Variants in UQCRB observed in about 807,000 individuals in gnomAD.
The protein encoded by UQCRB is cytochrome b-c1 complex subunit 7.
In UQCRB, 12 loss-of-function variants were observed where a neutral mutation model predicts 19.8. The observed-to-expected ratio is 0.61, with a 90% CI of 0.39 to 0.98. The LOEUF (loss-of-function observed/expected upper bound fraction) is 0.98. Ranked by LOEUF, UQCRB falls within the 50% of genes least tolerant of loss-of-function variation. The probability of loss-of-function intolerance (pLI) is 0.00; values close to 1 mark genes in which losing one functional copy is unlikely to be tolerated. For missense variants in UQCRB, 142 were observed against 131.8 expected, an observed-to-expected ratio of 1.08 and a Z score of -0.38; for synonymous variants, 39 against 42.9, an observed-to-expected ratio of 0.91 and a Z score of 0.35.
In UQCRB at chr8:96,229,783, G is replaced by T. The variant is rs1361275494; in HGVS notation, c.*1272C>A. On this transcript the variant is annotated 3_prime_UTR_variant, in exon 4 of 4. Transcript: ENST00000287022. ...AGCGAAAGGAAAAAAAAAAGCGGGGGAGGGGGTTCCTAGAGAATTTAAGAG... is the reference window on the plus strand; with the variant it reads ...AGCGAAAGGAAAAAAAAAAGCGGGGTAGGGGGTTCCTAGAGAATTTAAGAG... 2.2e-6 allele frequency: 1 copy of T among 453,748 alleles called. No homozygotes were observed. The highest frequency in any genetic ancestry group is 2.4e-5 in the Admixed American group (1 of 42,534). 28.1% of individuals were successfully genotyped at this position (453,748 alleles called of 1,614,324 possible). A position where few individuals can be genotyped will look rare whatever the true frequency, so the allele number is the denominator to read the frequency against.
In UQCRB at chr8:96,226,983, A is replaced by C. The variant is rs1172732979; in HGVS notation, c.*4072T>G. The C allele has an allele frequency of 1.5e-5, 7 of 453,970 alleles. No homozygotes were observed. The highest frequency in any genetic ancestry group is 4.0e-5 in the African/African-American group (2 of 50,012). The allele number at this position is 453,970 out of a possible 1,614,324, so 28.1% of individuals were successfully genotyped here. ...ACTTAGAGGCACTATCCGACCTGAGATCTCAGATTCTAACATGTTATGGCT... is the reference window on the plus strand; with the variant it reads ...ACTTAGAGGCACTATCCGACCTGAGCTCTCAGATTCTAACATGTTATGGCT... On this transcript the variant is annotated 3_prime_UTR_variant, in exon 4 of 4. Coordinates refer to ENST00000287022, the MANE Select transcript of UQCRB (RefSeq NM_006294.5).
chr8:96,231,582 G>C (rs1181402778), intron 3 of UQCRB, 192 bp downstream of exon 3: 3 of 1,370,936 alleles, frequency 2.2e-6, no homozygotes, highest in African/African-American at 2.9e-5. Context: ...AGTAATTTCA[G>C]AAGAATCATT....
Position 96,225,051 on chromosome 8 carries a change from G to A in UQCRB, c.*6004C>T, listed in dbSNP as rs930329637. On this transcript the variant is annotated 3_prime_UTR_variant, in exon 4 of 4. Coordinates refer to ENST00000287022, the MANE Select transcript of UQCRB (RefSeq NM_006294.5). ...AGGGGTACTATCTAAACATATAAAG[G>A]TCTCATACAAATAGATAAGAACTGA... Among the ~76,000 whole-genome samples, 3 of 152,102 alleles carry A rather than the reference G, an allele frequency of 2.0e-5. No homozygotes were observed. The highest frequency in any genetic ancestry group is 4.4e-5 in the Non-Finnish European group (3 of 68,016).
At position 96,230,938 on chromosome 8, in the gene UQCRB, A is replaced by T; in HGVS notation, c.*117T>A. The T allele has an allele frequency of 9.0e-7, 1 of 1,110,728 alleles. No individual in the cohort carries two copies. Among genetic ancestry groups the T allele is most frequent in the East Asian group, 2.4e-5 (1 of 42,256 alleles). 68.8% of individuals were successfully genotyped at this position (1,110,728 alleles called of 1,614,324 possible). A position where few individuals can be genotyped will look rare whatever the true frequency, so the allele number is the denominator to read the frequency against. On this transcript the variant is annotated 3_prime_UTR_variant, in exon 4 of 4. Coordinates refer to ENST00000287022, the MANE Select transcript of UQCRB (RefSeq NM_006294.5). ...GGTTTGGAATTCAAAAACTCCAGCC[A>T]TTACAATAGACATTTATTTAAAGTA...
Position 96,227,812 on chromosome 8 carries a change from T to A in UQCRB, c.*3243A>T. On this transcript the variant is annotated 3_prime_UTR_variant, in exon 4 of 4. Transcript: ENST00000287022. ...TTGAAAAGGGAGTCCTTAAAGTAAA[T>A]AACTAAATGAAATCACTACCAAAAT... 1 of 453,562 alleles carries A rather than the reference T, an allele frequency of 2.2e-6. No individual in the cohort carries two copies. Among genetic ancestry groups the A allele is most frequent in the South Asian group, 1.6e-5 (1 of 64,380 alleles). 28.1% of individuals were successfully genotyped at this position (453,562 alleles called of 1,614,324 possible).
Position 96,225,409 on chromosome 8 carries a change from T to G in UQCRB, c.*5646A>C, listed in dbSNP as rs935142836. On this transcript the variant is annotated 3_prime_UTR_variant, in exon 4 of 4. Transcript: ENST00000287022. The stretch of plus-strand genomic sequence containing the variant: ...GAAAAGCAAATTGGAAGTCCAGTAT[T>G]GAAAAACTTCAAATATTCATCCCCT... 1.3e-5 allele frequency among the ~76,000 whole-genome samples: 2 copies of G among 152,196 alleles called. No individual in the cohort carries two copies. The highest frequency in any genetic ancestry group is 4.1e-4 in the South Asian group (2 of 4,836).
rs150575311 is a variant in UQCRB, at chr8:96,224,867, A to G, written c.*6188T>C. On this transcript the variant is annotated 3_prime_UTR_variant, in exon 4 of 4. Coordinates refer to ENST00000287022, the MANE Select transcript of UQCRB (RefSeq NM_006294.5). ...CTTCTCAAAGCATGACCTCAGAGGC[A>G]AAACCACAGAGGAGAGGACTGAGAG... 4.6e-5 allele frequency among the ~76,000 whole-genome samples: 7 copies of G among 152,378 alleles called. No individual in the cohort carries two copies. Among genetic ancestry groups the G allele is most frequent in the Non-Finnish European group, 1.0e-4 (7 of 68,032 alleles).
At chr8:96,232,878 TG>T in intron 2 of UQCRB, 1 of 311,826 alleles carries the variant, frequency 3.2e-6, no homozygotes, top group South Asian at 5.5e-5. Flanking sequence ...GTGGAAGAGT[TG>T]GGAAAGGGGG....
chr8:96,228,432 G>A lies in UQCRB; in HGVS notation c.*2623C>T, dbSNP rs1338524054. 7 of 453,954 alleles carry A rather than the reference G, an allele frequency of 1.5e-5. No homozygotes were observed. The highest frequency in any genetic ancestry group is 2.6e-5 in the Non-Finnish European group (6 of 226,794). The allele number at this position is 453,954 out of a possible 1,614,324, so 28.1% of individuals were successfully genotyped here. A position where few individuals can be genotyped will look rare whatever the true frequency, so the allele number is the denominator to read the frequency against. On this transcript the variant is annotated 3_prime_UTR_variant, in exon 4 of 4. Transcript: ENST00000287022. ...GTTCCACTCTTCTCATCTCCAGCAG[G>A]TACTTCACTCAAGGAGGTGACACCC...
At position 96,225,883 on chromosome 8, in the gene UQCRB, T is replaced by C. The variant is rs1281398847; in HGVS notation, c.*5172A>G. 1 of 152,126 alleles carries C rather than the reference T, an allele frequency of 6.6e-6. No homozygotes were observed. The highest frequency in any genetic ancestry group is 1.5e-5 in the Non-Finnish European group (1 of 68,022). 9.4% of individuals were successfully genotyped at this position (152,126 alleles called of 1,614,324 possible). On this transcript the variant is annotated 3_prime_UTR_variant, in exon 4 of 4. Transcript: ENST00000287022. ...CCTGTCTCTACCATCTTGGTTTTTC[T>C]CTGTATTCCCTACACTGGTGGTTTT...
intron 1 of UQCRB, 56 bp downstream of exon 1, chr8:96,235,456 C>A (rs1308907103): frequency 6.2e-7 from 1 of 1,613,768 alleles, no homozygotes; most frequent in Non-Finnish European, 8.5e-7. Flanking sequence ...CAAGCTGCAG[C>A]AAAAATAAAC....
At position 96,228,776 on chromosome 8, in the gene UQCRB, A is replaced by G; in HGVS notation, c.*2279T>C. The G allele has an allele frequency of 2.2e-6, 1 of 454,090 alleles. No homozygotes were observed. Among genetic ancestry groups the G allele is most frequent in the Non-Finnish European group, 4.4e-6 (1 of 226,782 alleles). 28.1% of individuals were successfully genotyped at this position (454,090 alleles called of 1,614,324 possible). On this transcript the variant is annotated 3_prime_UTR_variant, in exon 4 of 4. Coordinates refer to ENST00000287022, the MANE Select transcript of UQCRB (RefSeq NM_006294.5). ...CACTACACAGTGAGCAAATAGATTCAGACCTGTGCAGTCTAACCCAGAATT... is the reference window on the plus strand; with the variant it reads ...CACTACACAGTGAGCAAATAGATTCGGACCTGTGCAGTCTAACCCAGAATT...
chr8:96,227,100 T>C lies in UQCRB; in HGVS notation c.*3955A>G, dbSNP rs1254466687. 2.2e-6 allele frequency: 1 copy of C among 453,402 alleles called. No homozygotes were observed. The highest frequency in any genetic ancestry group is 6.9e-5 in the East Asian group (1 of 14,394). 28.1% of individuals were successfully genotyped at this position (453,402 alleles called of 1,614,324 possible). ...ATATTTTAACATCTATAGACTTTAT[T>C]AGGTGTTCCTTATACAGTCATCTGG... On this transcript the variant is annotated 3_prime_UTR_variant, in exon 4 of 4. Transcript: ENST00000287022.
chr8:96,231,367 A>G, intron 3 of UQCRB: 1 of 1,542,420 alleles, frequency 6.5e-7, no homozygotes, highest in Non-Finnish European at 8.7e-7. Context: ...AAAGAAATGA[A>G]TGTCCACAGG....
In UQCRB at chr8:96,235,533, T is replaced by C. The variant is rs369218568; in HGVS notation, c.-3A>G. 1.9e-6 allele frequency: 3 copies of C among 1,614,132 alleles called. No individual in the cohort carries two copies. The African/African-American group carries it at 4.0e-5, about 22-fold the overall frequency. On this transcript the variant is annotated 5_prime_UTR_variant, in exon 1 of 4. Coordinates refer to ENST00000287022, the MANE Select transcript of UQCRB (RefSeq NM_006294.5). ...TTACCGGCCTGCTTACCAGCCATTTTGACCAGAAAGAGAAGCGTTGCCTTC... is the reference window on the plus strand; with the variant it reads ...TTACCGGCCTGCTTACCAGCCATTTCGACCAGAAAGAGAAGCGTTGCCTTC...
At chr8:96,231,383 G>C in intron 3 of UQCRB, 1 of 1,539,640 alleles carries the variant, frequency 6.5e-7, no homozygotes, top group Non-Finnish European at 8.7e-7. Context: ...ACAGGCCTTT[G>C]CCTAGTTTCA....
At position 96,223,373 on chromosome 8, in the gene UQCRB, T is replaced by C. The variant is rs751230474; in HGVS notation, c.*7682A>G. On this transcript the variant is annotated 3_prime_UTR_variant, in exon 4 of 4. Transcript: ENST00000287022. ...ATTTGCTCACTTGCAAAGTGTGATC[T>C]TGTACCCGTTACCTAACATGTCTGA... Among the ~76,000 whole-genome samples the C allele has an allele frequency of 1.3e-5, 2 of 152,240 alleles. No individual in the cohort carries two copies. Among genetic ancestry groups the C allele is most frequent in the Non-Finnish European group, 2.9e-5 (2 of 68,038 alleles).
Position 96,224,354 on chromosome 8 carries a change from T to C in UQCRB, c.*6701A>G, listed in dbSNP as rs1809493271. On this transcript the variant is annotated 3_prime_UTR_variant, in exon 4 of 4. Transcript: ENST00000287022. The stretch of plus-strand genomic sequence containing the variant: ...GTGGGCTGGGGAATAAATATCTCTG[T>C]CTCTCTCATCTGCCCTCTCTTGCAG... Among the ~76,000 whole-genome samples, 1 of 152,056 alleles carries C rather than the reference T, an allele frequency of 6.6e-6. No homozygotes were observed. The highest frequency in any genetic ancestry group is 1.9e-4 in the East Asian group (1 of 5,182).
intron 3 of UQCRB, 146 bp downstream of exon 3, chr8:96,231,628 C>T (rs148982607): frequency 9.4e-6 from 13 of 1,383,826 alleles, no homozygotes; most frequent in East Asian, 7.0e-5. Context: ...TCTTCTAAAA[C>T]GGAAATAACA....
Sources: gnomAD v4.1 joint callset for allele counts (sites outside exome capture counted in the v4.1 genomes callset) on GRCh38, gnomAD v4.1.1 for gene constraint, MANE v1.5 for transcripts, NCBI Gene and HGNC (gene_info 2026-07-23, HGNC 2026-07-21) for gene names.